Variants in PRKG1 observed in about 807,000 individuals in gnomAD.
PRKG1 encodes protein kinase cGMP-dependent 1, also known as cGMP-dependent protein kinase 1.
Under a neutral mutation model 88.1 loss-of-function variants are expected in PRKG1, and 35 were observed. That is an observed-to-expected ratio of 0.40 (90% CI 0.30 to 0.53). The LOEUF (loss-of-function observed/expected upper bound fraction) is 0.53, where lower values mean the gene tolerates loss of function less well. PRKG1 is among the 20% of genes least tolerant of loss of function. The probability of loss-of-function intolerance (pLI) is 0.59; values close to 1 mark genes in which losing one functional copy is unlikely to be tolerated. For synonymous variants in PRKG1, 303 were observed against 292.5 expected (o/e 1.04, Z -0.37); for missense variants, 540 against 839.8 (o/e 0.64, Z 4.41).
intron 9 of PRKG1, among the ~76,000 whole-genome samples, chr10:52,205,085 C>T (rs1325319861): frequency 6.6e-6 from 1 of 152,090 alleles, no homozygotes; most frequent in African/African-American, 2.4e-5. Context: ...TCTCCTGCAG[C>T]GCCCCCAGGT....
rs956769297 is a variant in PRKG1 at position 51,887,209 on chromosome 10, G to T, written c.699-20298G>T. On this transcript the variant is annotated intron_variant, in intron 4 of 17. Transcript: ENST00000373980. ...CATATTGACCAGGCTGGCCTCGAAC[G>T]CCTGGCCTCAAGTGATCTCCCTGTC... 2.0e-5 allele frequency among the ~76,000 whole-genome samples: 3 copies of T among 152,130 alleles called. No homozygotes were observed. In the South Asian group the frequency reaches 6.2e-4, roughly 32 times the overall value.
chr10:51,806,042 G>A (rs1225160836), intron 4 of PRKG1, among the ~76,000 whole-genome samples: 1 of 152,080 alleles, frequency 6.6e-6, no homozygotes, highest in East Asian at 1.9e-4. Context: ...ATATATATGT[G>A]TCTATACGTA....
intron 3 of PRKG1, among the ~76,000 whole-genome samples, chr10:51,781,613 T>C (rs894659978): frequency 1.3e-5 from 2 of 152,160 alleles, no homozygotes; most frequent in African/African-American, 4.8e-5. Context: ...TTTATAGATA[T>C]TCAGCCAAAG....
rs1223588085 is a variant in PRKG1, at chr10:51,181,224, A to ATTTTTT, written c.478+27917_478+27922dup. 3.0e-3 allele frequency among the ~76,000 whole-genome samples: 238 copies of ATTTTTT among 78,288 alleles called. 33 individuals are homozygous for ATTTTTT. The highest frequency in any genetic ancestry group is 8.6e-3 in the African/African-American group (170 of 19,808). 51.4% of individuals were successfully genotyped at this position (78,288 alleles called of 152,430 possible). On this transcript the variant is annotated intron_variant, in intron 2 of 17. Coordinates refer to ENST00000373980, the MANE Select transcript of PRKG1 (RefSeq NM_006258.4). Reference sequence around the variant, plus strand: ...AAGCTGACCAAGATTATTATATAGAATTTTTTTTTTTTTTTTTTTTTTTTT... The same window carrying ATTTTTT: ...AAGCTGACCAAGATTATTATATAGAATTTTTTTTTTTTTTTTTTTTTTTTTTTTTTT...
chr10:51,304,577 T>C (rs1027054458), intron 2 of PRKG1, among the ~76,000 whole-genome samples: 4 of 151,252 alleles, frequency 2.6e-5, no homozygotes, highest in Admixed American at 6.6e-5. Flanking sequence ...TGCTGTGCTG[T>C]ACCCATTAAC....
Position 51,153,348 on chromosome 10 carries a change from A to C in PRKG1, c.478+18A>C, listed in dbSNP as rs1298663415. 1 of 1,574,430 alleles carries C rather than the reference A, an allele frequency of 6.4e-7. No individual in the cohort carries two copies. The highest frequency in any genetic ancestry group is 2.3e-5 in the East Asian group (1 of 43,050). ...CATGGAAGGTACGGTTTGTAACTCCAATCCTCTGACATTCAAATATTCTTT... is the reference window on the plus strand; with the variant it reads ...CATGGAAGGTACGGTTTGTAACTCCCATCCTCTGACATTCAAATATTCTTT... On this transcript the variant is annotated intron_variant, in intron 2 of 17. Coordinates refer to ENST00000373980, the MANE Select transcript of PRKG1 (RefSeq NM_006258.4).
intron 2 of PRKG1, among the ~76,000 whole-genome samples, chr10:51,453,752 C>G (rs938516525): frequency 6.6e-6 from 1 of 151,654 alleles, no homozygotes; most frequent in African/African-American, 2.4e-5. Context: ...GGAGAATATT[C>G]CAGATAAGAG....
chr10:51,011,151 T>C (rs1842989512), intron 1 of PRKG1, among the ~76,000 whole-genome samples: 1 of 152,194 alleles, frequency 6.6e-6, no homozygotes, highest in African/African-American at 2.4e-5. Flanking sequence ...TTTCTTAGCC[T>C]TGCAACTATG....
At chr10:51,747,920 A>T (rs1402122876) in intron 3 of PRKG1, among the ~76,000 whole-genome samples, 1 of 152,174 alleles carries the variant, frequency 6.6e-6, no homozygotes, top group African/African-American at 2.4e-5. Flanking sequence ...GCACCTTAGC[A>T]ATCATTTAGT....
chr10:51,711,013 T>C (rs1055040272), intron 3 of PRKG1, among the ~76,000 whole-genome samples: 8 of 152,122 alleles, frequency 5.3e-5, no homozygotes, highest in Non-Finnish European at 1.2e-4. Context: ...GTTTTCTTTT[T>C]TAAAGACGTG....
intron 4 of PRKG1, among the ~76,000 whole-genome samples, chr10:51,892,274 G>C (rs539117239): frequency 6.6e-6 from 1 of 152,236 alleles, no homozygotes; most frequent in Non-Finnish European, 1.5e-5. Flanking sequence ...ATGTAGTAAA[G>C]AGGATTTTTC....
At chr10:51,602,688 T>G (rs1838638732) in intron 3 of PRKG1, among the ~76,000 whole-genome samples, 1 of 151,032 alleles carries the variant, frequency 6.6e-6, no homozygotes, top group African/African-American at 2.4e-5. Context: ...GTGCTAGGAT[T>G]GGAGACATGA....
intron 9 of PRKG1, among the ~76,000 whole-genome samples, chr10:52,232,507 C>A (rs950207900): frequency 2.6e-5 from 4 of 152,070 alleles, no homozygotes; most frequent in African/African-American, 9.7e-5. Flanking sequence ...TGAATAATTT[C>A]TTTACTACCA....
chr10:51,458,746 T>C lies in PRKG1; in HGVS notation c.479-8977T>C, dbSNP rs537567791. Among the ~76,000 whole-genome samples the C allele has an allele frequency of 3.9e-4, 60 of 152,272 alleles. No individual in the cohort carries two copies. In the South Asian group the frequency reaches 7.0e-3, roughly 18 times the overall value. On this transcript the variant is annotated intron_variant, in intron 2 of 17. Coordinates refer to ENST00000373980, the MANE Select transcript of PRKG1 (RefSeq NM_006258.4). ...TAGAAAAAGGACATGTAATCTCTGA[T>C]TGAAGCAACATCTTGTTGACAGTAC...
chr10:52,058,514 G>A (rs546499124), intron 6 of PRKG1, among the ~76,000 whole-genome samples: 4 of 151,948 alleles, frequency 2.6e-5, no homozygotes, highest in South Asian at 2.1e-4. Context: ...TACAGTTAAC[G>A]TACTTAAGGT....
intron 8 of PRKG1, among the ~76,000 whole-genome samples, chr10:52,150,925 G>C (rs1185726928): frequency 6.6e-6 from 1 of 152,028 alleles, no homozygotes; most frequent in Non-Finnish European, 1.5e-5. Context: ...TACTATAATT[G>C]ATATGTCTAT....
intron 2 of PRKG1, among the ~76,000 whole-genome samples, chr10:51,314,546 T>A (rs1472514262): frequency 1.3e-5 from 2 of 152,154 alleles, no homozygotes; most frequent in Non-Finnish European, 2.9e-5. Context: ...GAAATACACA[T>A]CAGATCAACA....
chr10:52,167,394 G>C (rs953396579), intron 9 of PRKG1, among the ~76,000 whole-genome samples: 1 of 152,074 alleles, frequency 6.6e-6, no homozygotes, highest in African/African-American at 2.4e-5. Flanking sequence ...CCAACCTCCA[G>C]CACTATGGAT....
intron 3 of PRKG1, among the ~76,000 whole-genome samples, chr10:51,508,565 A>C (rs962315208): frequency 4.6e-5 from 7 of 152,212 alleles, no homozygotes; most frequent in Admixed American, 3.9e-4. Context: ...TAAAAAAAAA[A>C]CCTTAAATCT....
Sources: gnomAD v4.1 joint callset for allele counts (sites outside exome capture counted in the v4.1 genomes callset) on GRCh38, gnomAD v4.1.1 for gene constraint, MANE v1.5 for transcripts, NCBI Gene and HGNC (gene_info 2026-07-23, HGNC 2026-07-21) for gene names.